The following GOLM2 variants were observed in gnomAD, a reference collection of about 807,000 sequenced individuals.
GOLM2 encodes the protein golgi membrane protein 2, also known as protein GOLM2.
Under a neutral mutation model 55.9 loss-of-function variants are expected in GOLM2, and 26 were observed. The observed-to-expected ratio is 0.47, with a 90% CI of 0.34 to 0.65. The LOEUF is 0.65. Among genes scored for constraint, GOLM2 ranks in the 30% least tolerant of loss-of-function variants. GOLM2 has a pLI of 0.01. For missense variants in GOLM2, 486 were observed against 531.8 expected, an observed-to-expected ratio of 0.91 and a Z score of 0.85; for synonymous variants, 165 against 194.6, an observed-to-expected ratio of 0.85 and a Z score of 1.27.
At chr15:44,397,945 T>A (rs2141210043) in intron 8 of GOLM2, among the ~76,000 whole-genome samples, 1 of 152,370 alleles carries the variant, frequency 6.6e-6, no homozygotes, top group Non-Finnish European at 1.5e-5. Context: ...TATATTCATT[T>A]TGTCATTTTC....
intron 6 of GOLM2, among the ~76,000 whole-genome samples, chr15:44,343,824 A>C (rs886817143): frequency 4.2e-5 from 6 of 141,920 alleles, no homozygotes; most frequent in African/African-American, 7.6e-5. Flanking sequence ...ACTCTGTCTC[A>C]AAAAAAAAAA....
At chr15:44,327,096 T>A (rs1441583457) in intron 2 of GOLM2, among the ~76,000 whole-genome samples, 1 of 151,380 alleles carries the variant, frequency 6.6e-6, no homozygotes, top group East Asian at 2.0e-4. Context: ...GATTACAGGC[T>A]CAGACCACCA....
chr15:44,395,710 C>CGT, intron 8 of GOLM2, among the ~76,000 whole-genome samples: 1 of 151,694 alleles, frequency 6.6e-6, no homozygotes, highest in South Asian at 2.1e-4. Context: ...TGTGGTGGTA[C>CGT]GCGCCTGTAG....
At chr15:44,327,507 A>G (rs1222518513) in intron 2 of GOLM2, among the ~76,000 whole-genome samples, 1 of 152,080 alleles carries the variant, frequency 6.6e-6, no homozygotes, top group Non-Finnish European at 1.5e-5. Context: ...ACCCTTCTGT[A>G]AAAAATAGAT....
At chr15:44,374,043 G>A (rs2079348219) in intron 6 of GOLM2, among the ~76,000 whole-genome samples, 1 of 152,148 alleles carries the variant, frequency 6.6e-6, no homozygotes, top group Admixed American at 6.5e-5. Flanking sequence ...TGAGGTTGCA[G>A]GGAGCTGAGA....
Position 44,388,798 on chromosome 15 carries a change from A to G in GOLM2, c.1072+7822A>G, listed in dbSNP as rs956099342. On this transcript the variant is annotated intron_variant, in intron 8 of 9. Coordinates refer to ENST00000299957, the MANE Select transcript of GOLM2 (RefSeq NM_138423.4). ...GAGTAGCTGGGATTTATAGGCATGC[A>G]TCACTGAGCCCAATGAAAATTCATT... 7.2e-5 allele frequency among the ~76,000 whole-genome samples: 11 copies of G among 151,834 alleles called. No homozygotes were observed. The South Asian group carries it at 1.9e-3, about 26-fold the overall frequency.
intron 6 of GOLM2, among the ~76,000 whole-genome samples, chr15:44,359,720 C>G (rs1443036829): frequency 6.6e-6 from 1 of 152,090 alleles, no homozygotes; most frequent in Non-Finnish European, 1.5e-5. Context: ...AGATACTCCT[C>G]GAGAAGAGCA....
At chr15:44,378,029 T>A (rs1026004609) in intron 6 of GOLM2, among the ~76,000 whole-genome samples, 35 of 149,472 alleles carry the variant, frequency 2.3e-4, no homozygotes, top group Admixed American at 2.2e-3. Context: ...ATATATTTTT[T>A]AAATTATTTA....
chr15:44,344,354 A>C (rs2079109686), intron 6 of GOLM2, among the ~76,000 whole-genome samples: 1 of 151,226 alleles, frequency 6.6e-6, no homozygotes, highest in Non-Finnish European at 1.5e-5. Context: ...GCCTAGGGTT[A>C]GCATTTTGTT....
intron 9 of GOLM2, among the ~76,000 whole-genome samples, chr15:44,407,625 T>A (rs887260584): frequency 1.3e-5 from 2 of 151,920 alleles, no homozygotes; most frequent in African/African-American, 4.8e-5. Context: ...AAATTTTTTT[T>A]ATTTTCTAAG....
intron 6 of GOLM2, among the ~76,000 whole-genome samples, chr15:44,374,271 A>G (rs534966118): frequency 6.6e-6 from 1 of 152,246 alleles, no homozygotes; most frequent in East Asian, 1.9e-4. Flanking sequence ...TTATTATTTT[A>G]TCTTTGATAC....
chr15:44,302,803 G>T (rs938753024), intron 1 of GOLM2, among the ~76,000 whole-genome samples: 2 of 152,046 alleles, frequency 1.3e-5, no homozygotes, highest in African/African-American at 4.8e-5. Flanking sequence ...TGAATTTCTT[G>T]ACTATAAAAA....
chr15:44,377,674 C>T (rs1489325558), intron 6 of GOLM2, among the ~76,000 whole-genome samples: 3 of 152,016 alleles, frequency 2.0e-5, no homozygotes, highest in Non-Finnish European at 4.4e-5. Context: ...TTTCCTGGCC[C>T]CTTGTGGCAA....
At chr15:44,370,877 T>G (rs867560209) in intron 6 of GOLM2, among the ~76,000 whole-genome samples, 4 of 152,056 alleles carry the variant, frequency 2.6e-5, no homozygotes, top group African/African-American at 7.2e-5. Flanking sequence ...TACAGGCTGG[T>G]CTCAAATTCC....
intron 8 of GOLM2, chr15:44,387,383 C>G (rs1373821562): frequency 1.3e-5 from 2 of 152,072 alleles, no homozygotes; most frequent in Admixed American, 6.6e-5. Context: ...AAATTTATTC[C>G]TAAGCATTTT....
intron 8 of GOLM2, among the ~76,000 whole-genome samples, chr15:44,394,311 G>A (rs141750739): frequency 6.6e-6 from 1 of 152,174 alleles, no homozygotes; most frequent in African/African-American, 2.4e-5. Flanking sequence ...CACAACAGGG[G>A]ATACATTCTG....
At chr15:44,411,013 CTTTTTTTT>C (rs201998296) in intron 9 of GOLM2, among the ~76,000 whole-genome samples, 3 of 81,330 alleles carry the variant, frequency 3.7e-5, no homozygotes, top group Non-Finnish European at 7.7e-5. Context: ...GTTTGTTTGA[CTTTTTTTT>C]TTTTTTTTTT....
intron 1 of GOLM2, among the ~76,000 whole-genome samples, chr15:44,314,491 G>A (rs368596570): frequency 1.3e-5 from 2 of 151,690 alleles, no homozygotes; most frequent in South Asian, 2.1e-4. Context: ...CCTGGGAGGC[G>A]GAGGTTGCAG....
rs2078704928 is a variant in GOLM2, at chr15:44,289,417, G to A, written c.327+61G>A. The A allele has an allele frequency of 1.4e-6, 2 of 1,459,434 alleles. No homozygotes were observed. Among genetic ancestry groups the A allele is most frequent in the South Asian group, 1.3e-5 (1 of 76,608 alleles). 90.4% of individuals were successfully genotyped at this position (1,459,434 alleles called of 1,614,324 possible). ...TTCTTTTCTCCCCGGGGTCTGGGGCGGGATGTTAATCCGCTAGCTGTTGTC... is the reference window on the plus strand; with the variant it reads ...TTCTTTTCTCCCCGGGGTCTGGGGCAGGATGTTAATCCGCTAGCTGTTGTC... On this transcript the variant is annotated intron_variant, in intron 1 of 9. Coordinates refer to ENST00000299957, the MANE Select transcript of GOLM2 (RefSeq NM_138423.4). This position sits in a 1 kb window ranked among gnomAD's most constrained non-coding sequence, Gnocchi z 4.8.
Sources: allele counts gnomAD v4.1 joint callset (sites outside exome capture counted in the v4.1 genomes callset), GRCh38; gene constraint gnomAD v4.1.1; non-coding constraint Gnocchi (gnomAD v3.1); transcripts MANE v1.5; gene names NCBI Gene and HGNC (gene_info 2026-07-23, HGNC 2026-07-21).